Variants in AGPAT5 observed in about 807,000 individuals in gnomAD.
The protein encoded by AGPAT5 is 1-acyl-sn-glycerol-3-phosphate acyltransferase epsilon.
In AGPAT5, 46 loss-of-function variants were observed where a neutral mutation model predicts 45.6. The observed-to-expected ratio is 1.01, with a 90% CI of 0.80 to 1.29. The LOEUF is 1.29. Ranked by LOEUF, AGPAT5 falls within the 50% of genes most tolerant of loss-of-function variation. AGPAT5 has a pLI of 0.00. For synonymous variants in AGPAT5, 272 were observed against 167.0 expected (o/e 1.63, Z -4.85); for missense variants, 673 against 450.7 (o/e 1.49, Z -4.47).
intron 4 of AGPAT5, among the ~76,000 whole-genome samples, chr8:6,734,593 T>G (rs1194663078): frequency 6.6e-6 from 1 of 152,246 alleles, no homozygotes; most frequent in Non-Finnish European, 1.5e-5. Context: ...CTGGGCCATA[T>G]CTGAGTCTGC....
At chr8:6,756,719 C>T (rs545176033) in intron 7 of AGPAT5, among the ~76,000 whole-genome samples, 1 of 152,104 alleles carries the variant, frequency 6.6e-6, no homozygotes, top group Admixed American at 6.5e-5. Context: ...TTGGTCTCTG[C>T]CGGGTATCCT....
chr8:6,755,602 T>A (rs1801808775), intron 7 of AGPAT5, among the ~76,000 whole-genome samples: 1 of 152,198 alleles, frequency 6.6e-6, no homozygotes, highest in Admixed American at 6.5e-5. Flanking sequence ...GTGGACATGA[T>A]GCTGTTATAT....
intron 1 of AGPAT5, among the ~76,000 whole-genome samples, chr8:6,721,485 G>A (rs1365888293): frequency 6.6e-6 from 1 of 152,298 alleles, no homozygotes; most frequent in East Asian, 1.9e-4. Context: ...TATGTTCTAG[G>A]TGTTGTATGA....
At chr8:6,747,600 T>G in intron 5 of AGPAT5, 70 bp from the exon 6 acceptor site, 1 of 1,360,908 alleles carries the variant, frequency 7.3e-7, no homozygotes. Context: ...TAAAAATAAT[T>G]TAGATGTTAA....
At chr8:6,742,056 G>A (rs1391237040) in intron 5 of AGPAT5, among the ~76,000 whole-genome samples, 1 of 152,132 alleles carries the variant, frequency 6.6e-6, no homozygotes, top group East Asian at 1.9e-4. Flanking sequence ...TTTCTACAGT[G>A]TATGGGTTAT....
At chr8:6,754,809 A>C (rs1801777003) in intron 6 of AGPAT5, among the ~76,000 whole-genome samples, 1 of 152,162 alleles carries the variant, frequency 6.6e-6, no homozygotes, top group South Asian at 2.1e-4. Context: ...GATTTAACTT[A>C]ATGACTTATG....
At chr8:6,734,283 G>A (rs1291824022) in intron 4 of AGPAT5, among the ~76,000 whole-genome samples, 3 of 143,618 alleles carry the variant, frequency 2.1e-5, no homozygotes, top group Admixed American at 7.0e-5. Context: ...TTTTTTTTAC[G>A]CCCCCTCCCT....
At chr8:6,731,042 T>A in intron 3 of AGPAT5, among the ~76,000 whole-genome samples, 1 of 151,896 alleles carries the variant, frequency 6.6e-6, no homozygotes, top group Non-Finnish European at 1.5e-5. Context: ...CTAAATTTTC[T>A]ATTTTTTGTA....
At chr8:6,753,549 A>C (rs1801725565) in intron 6 of AGPAT5, among the ~76,000 whole-genome samples, 1 of 152,064 alleles carries the variant, frequency 6.6e-6, no homozygotes, top group African/African-American at 2.4e-5. Context: ...AGGTGCTTGA[A>C]ATCTTCTATT....
At chr8:6,748,872 A>C (rs139188488) in intron 6 of AGPAT5, among the ~76,000 whole-genome samples, 1 of 152,236 alleles carries the variant, frequency 6.6e-6, no homozygotes, top group African/African-American at 2.4e-5. Flanking sequence ...TCAAAATATG[A>C]GCCTCCAGCA....
chr8:6,747,735 A>G lies in AGPAT5; in HGVS notation c.652A>G (p.Met218Val). Residue 218 changes from methionine to valine, a missense_variant, in exon 6 of 8, where the codon ATG (methionine) becomes GTG (valine). Physicochemically the swap from Met to Val is conservative, Grantham distance 21. Coordinates refer to ENST00000285518, the MANE Select transcript of AGPAT5 (RefSeq NM_018361.5). ...IKATHVAFDC[M>V]KNYLDAIYDV... ...GGCAACTCACGTTGCTTTTGATTGC[A>G]TGAAGAATTATTTAGATGCAATTTA... 1.2e-6 allele frequency: 2 copies of G among 1,614,258 alleles called. No individual in the cohort carries two copies. The highest frequency in any genetic ancestry group is 1.1e-5 in the South Asian group (1 of 91,086).
chr8:6,743,107 T>C (rs1340542635), intron 5 of AGPAT5, among the ~76,000 whole-genome samples: 1 of 152,234 alleles, frequency 6.6e-6, no homozygotes, highest in Non-Finnish European at 1.5e-5. Flanking sequence ...TCTGTGGGGC[T>C]GTTCTCCATT....
intron 2 of AGPAT5, among the ~76,000 whole-genome samples, chr8:6,726,332 C>T (rs1800685322): frequency 1.3e-5 from 2 of 152,220 alleles, no homozygotes; most frequent in African/African-American, 4.8e-5. Flanking sequence ...GATTTTCCTG[C>T]ATTTCCTTTA....
chr8:6,757,766 C>G lies in AGPAT5; in HGVS notation c.*378C>G, dbSNP rs1192072420. 6.0e-6 allele frequency: 1 copy of G among 166,128 alleles called. No homozygotes were observed. The allele number at this position is 166,128 out of a possible 1,614,324, so 10.3% of individuals were successfully genotyped here. A position where few individuals can be genotyped will look rare whatever the true frequency, so the allele number is the denominator to read the frequency against. ...TTCTGTTATTTTCAATTTATTACAA[C>G]TTGACAGCTCCAAGCTCTTATTACT... On this transcript the variant is annotated 3_prime_UTR_variant, in exon 8 of 8. Coordinates refer to ENST00000285518, the MANE Select transcript of AGPAT5 (RefSeq NM_018361.5).
chr8:6,752,371 A>G (rs1801684805), intron 6 of AGPAT5, among the ~76,000 whole-genome samples: 1 of 152,150 alleles, frequency 6.6e-6, no homozygotes, highest in Non-Finnish European at 1.5e-5. Context: ...TTTTTTAAAG[A>G]TGAGATTTCT....
chr8:6,746,542 C>G (rs1273464200), intron 5 of AGPAT5, among the ~76,000 whole-genome samples: 11 of 152,310 alleles, frequency 7.2e-5, no homozygotes, highest in African/African-American at 2.2e-4. Context: ...GAAGTGTTAA[C>G]TAGTTTAACT....
At position 6,756,799 on chromosome 8, in the gene AGPAT5, C is replaced by T. The variant is rs551208270; in HGVS notation, c.870-364C>T. 1.7e-4 allele frequency among the ~76,000 whole-genome samples: 26 copies of T among 152,082 alleles called. 1 individual carries two copies. In the South Asian group the frequency reaches 4.6e-3, roughly 27 times the overall value. ...CGCTGGTCCTATCTTTGACTTCTGGCGGAATAGGAGCTCCATGTAAAAAGG... is the reference window on the plus strand; with the variant it reads ...CGCTGGTCCTATCTTTGACTTCTGGTGGAATAGGAGCTCCATGTAAAAAGG... On this transcript the variant is annotated intron_variant, in intron 7 of 7. Coordinates refer to ENST00000285518, the MANE Select transcript of AGPAT5 (RefSeq NM_018361.5).
intron 5 of AGPAT5, among the ~76,000 whole-genome samples, chr8:6,742,405 A>G (rs1801271639): frequency 6.6e-6 from 1 of 152,228 alleles, no homozygotes; most frequent in South Asian, 2.1e-4. Context: ...CAAATTGGGA[A>G]GTATACAGAA....
At chr8:6,710,093 G>T (rs901371223) in intron 1 of AGPAT5, among the ~76,000 whole-genome samples, 2 of 152,058 alleles carry the variant, frequency 1.3e-5, no homozygotes, top group Admixed American at 6.5e-5. Context: ...GCCTGGGATG[G>T]GATATAAGCT....
Sources: gnomAD v4.1 joint callset for allele counts (sites outside exome capture counted in the v4.1 genomes callset) on GRCh38, gnomAD v4.1.1 for gene constraint, MANE v1.5 for transcripts, NCBI Gene and HGNC (gene_info 2026-07-23, HGNC 2026-07-21) for gene names.